ADGB: variants seen among roughly 807,000 people sequenced by gnomAD.
The protein encoded by ADGB is androglobin.
In ADGB, 172 loss-of-function variants were observed where a neutral mutation model predicts 210.5. The observed-to-expected ratio is 0.82, with a 90% confidence interval of 0.72 to 0.93. ADGB has a LOEUF of 0.93. ADGB is among the 40% of genes least tolerant of loss of function. The probability of loss-of-function intolerance (pLI) is 0.00; values close to 1 mark genes in which losing one functional copy is unlikely to be tolerated. For synonymous variants in ADGB, 658 were observed against 662.7 expected (o/e 0.99, Z 0.11); for missense variants, 2,025 against 1,964.8 (o/e 1.03, Z -0.58).
intron 1 of ADGB, among the ~76,000 whole-genome samples, chr6:146,606,694 G>A (rs1218931822): frequency 5.3e-5 from 8 of 152,144 alleles, no homozygotes; most frequent in African/African-American, 1.4e-4. Flanking sequence ...TGACTTTGTC[G>A]AAGATCAGAT....
At chr6:146,697,083 C>T (rs1047698310) in intron 12 of ADGB, among the ~76,000 whole-genome samples, 8 of 152,008 alleles carry the variant, frequency 5.3e-5, no homozygotes, top group African/African-American at 1.9e-4. Flanking sequence ...CTAAATACAA[C>T]AGCAAAGACA....
intron 25 of ADGB, among the ~76,000 whole-genome samples, chr6:146,743,397 G>T (rs558600178): frequency 4.6e-5 from 7 of 152,044 alleles, no homozygotes; most frequent in Non-Finnish European, 8.8e-5. Context: ...GGTTGGGATG[G>T]GTTTGGTTTT....
chr6:146,742,463 C>A (rs1282401459), intron 25 of ADGB, among the ~76,000 whole-genome samples: 1 of 151,920 alleles, frequency 6.6e-6, no homozygotes, highest in Non-Finnish European at 1.5e-5. Flanking sequence ...TTAACATTTA[C>A]ATTTTATAAG....
chr6:146,744,636 AT>A (rs1777203716), intron 25 of ADGB, among the ~76,000 whole-genome samples: 1 of 152,108 alleles, frequency 6.6e-6, no homozygotes, highest in Non-Finnish European at 1.5e-5. Context: ...AAAAATCAGA[AT>A]TGTTTGCTCT....
chr6:146,695,595 T>A (rs563339266), intron 12 of ADGB, among the ~76,000 whole-genome samples: 1 of 151,868 alleles, frequency 6.6e-6, no homozygotes, highest in South Asian at 2.1e-4. Context: ...TATGTAAAAT[T>A]TTTTAAGTTA....
chr6:146,782,264 C>A, intron 30 of ADGB, 72 bp downstream of exon 30: 1 of 1,337,902 alleles, frequency 7.5e-7, no homozygotes, highest in Non-Finnish European at 9.9e-7. Context: ...TTGCCTATCT[C>A]GTCTGAGGAC....
intron 23 of ADGB, 52 bp from the exon 24 acceptor site, chr6:146,740,407 A>G: frequency 7.8e-6 from 11 of 1,405,596 alleles, no homozygotes; most frequent in Non-Finnish European, 1.1e-5. Context: ...AATAGAGTTT[A>G]TCTTTAAAGT....
chr6:146,659,849 G>A (rs779009937), intron 5 of ADGB, among the ~76,000 whole-genome samples: 7 of 152,104 alleles, frequency 4.6e-5, no homozygotes, highest in Non-Finnish European at 5.9e-5. Flanking sequence ...ATTGCTCTCC[G>A]CTTGAAATAT....
chr6:146,672,190 G>C, intron 7 of ADGB, 30 bp from the exon 8 acceptor site: 1 of 1,452,128 alleles, frequency 6.9e-7, no homozygotes, highest in South Asian at 1.5e-5. Context: ...AACATCGTTT[G>C]GAAATTAATG....
intron 31 of ADGB, 67 bp from the exon 32 acceptor site, chr6:146,785,543 A>G: frequency 3.3e-6 from 4 of 1,211,164 alleles, no homozygotes; most frequent in Non-Finnish European, 4.7e-6. Context: ...TACCATTAAC[A>G]TGTATTACCT....
rs777426115 is a variant in ADGB, at chr6:146,807,377, TG to T, written c.4818+5367del. On this transcript the variant is annotated intron_variant, in intron 35 of 35. Transcript: ENST00000397944. ...GTAAGCCTTTACCAGTGGAATTATT[TG>T]TTTGGGGTTTTGCTTTGGAACAGGA... 32 of 1,546,828 alleles carry T rather than the reference TG, an allele frequency of 2.1e-5. 1 individual carries two copies. The highest frequency in any genetic ancestry group is 3.3e-4 in the Middle Eastern group (2 of 5,972).
At chr6:146,606,214 G>A (rs541777358) in intron 1 of ADGB, among the ~76,000 whole-genome samples, 146 of 152,066 alleles carry the variant, frequency 9.6e-4, no homozygotes, top group Non-Finnish European at 1.5e-3. Flanking sequence ...TTGGCTGTCT[G>A]TTTATGTCCT....
In ADGB at chr6:146,634,288, C is replaced by G. The variant is rs569503309; in HGVS notation, c.75-1087C>G. On this transcript the variant is annotated intron_variant, in intron 1 of 35. Transcript: ENST00000397944. ...GCACACTCTGTTGTTTGAGGGACAA[C>G]AAACTTGCCTAGCAACGGATATCTT... 8.3e-4 allele frequency among the ~76,000 whole-genome samples: 127 copies of G among 152,240 alleles called. 1 individual carries two copies. Among genetic ancestry groups the G allele is most frequent in the African/African-American group, 3.0e-3 (124 of 41,558 alleles).
intron 28 of ADGB, among the ~76,000 whole-genome samples, chr6:146,764,976 T>C (rs1416921215): frequency 1.3e-5 from 2 of 152,148 alleles, no homozygotes. Flanking sequence ...ATTTTCTGTA[T>C]TTTTAGTAGA....
intron 12 of ADGB, among the ~76,000 whole-genome samples, chr6:146,695,650 A>G (rs1776391964): frequency 6.6e-6 from 1 of 151,918 alleles, no homozygotes; most frequent in African/African-American, 2.4e-5. Context: ...TAGTTGCATT[A>G]GCAACATTTT....
chr6:146,809,437 C>T lies in ADGB; in HGVS notation c.4819-5595C>T, dbSNP rs185894863. 2.0e-5 allele frequency among the ~76,000 whole-genome samples: 3 copies of T among 152,126 alleles called. No individual in the cohort carries two copies. In the East Asian group the frequency reaches 5.8e-4, roughly 30 times the overall value. ...ACCAGGCTGGTCTTGAACTCTTGAC[C>T]TCAGGTGATCCACCCCCCTCGGCCT... is the stretch of plus-strand genomic sequence containing the variant. On this transcript the variant is annotated intron_variant, in intron 35 of 35. Transcript: ENST00000397944.
intron 1 of ADGB, among the ~76,000 whole-genome samples, chr6:146,617,622 C>A (rs534963942): frequency 6.6e-6 from 1 of 151,642 alleles, no homozygotes; most frequent in African/African-American, 2.4e-5. Flanking sequence ...TCCTTCTATG[C>A]GCAATTTATG....
At chr6:146,630,641 G>A (rs1317715256) in intron 1 of ADGB, among the ~76,000 whole-genome samples, 8 of 152,168 alleles carry the variant, frequency 5.3e-5, no homozygotes, top group Non-Finnish European at 8.8e-5. Context: ...GGCTCTGAGG[G>A]AAGTCCTATC....
In ADGB at chr6:146,691,504, T is replaced by A. The variant is rs866810393; in HGVS notation, c.1486+214T>A. ...TATATATATATATATATATATATTT[T>A]TTTTTTTTTTTTTTTTTTTTTGAGA... On this transcript the variant is annotated intron_variant, in intron 11 of 35. Transcript: ENST00000397944. Among the ~76,000 whole-genome samples, 129 of 30,124 alleles carry A rather than the reference T, an allele frequency of 4.3e-3. 1 individual carries two copies. The highest frequency in any genetic ancestry group is 7.5e-3 in the East Asian group (10 of 1,330). 19.8% of individuals were successfully genotyped at this position (30,124 alleles called of 152,430 possible).
Sources: gnomAD v4.1 joint callset for allele counts (sites outside exome capture counted in the v4.1 genomes callset) on GRCh38, gnomAD v4.1.1 for gene constraint, MANE v1.5 for transcripts, NCBI Gene and HGNC (gene_info 2026-07-23, HGNC 2026-07-21) for gene names.